The following C4orf51 variants were observed in gnomAD, a reference collection of about 807,000 sequenced individuals.
C4orf51 encodes the protein uncharacterized protein C4orf51.
Under a neutral mutation model 25.2 loss-of-function variants are expected in C4orf51, and 25 were observed. The ratio of observed to expected loss-of-function variants is 0.99; its 90% CI spans 0.72 to 1.39. The LOEUF (loss-of-function observed/expected upper bound fraction) is 1.39, where lower values mean the gene tolerates loss of function less well. Among genes scored for constraint, C4orf51 ranks in the 40% most tolerant of loss-of-function variants. The pLI, the probability that C4orf51 is intolerant of heterozygous loss-of-function variation, is 0.00. For missense variants in C4orf51, 252 were observed against 239.6 expected (o/e 1.05, Z -0.34); for synonymous variants, 100 against 84.5 (o/e 1.18, Z -1.01).
downstream of C4orf51, among the ~76,000 whole-genome samples, chr4:145,757,276 T>TC: frequency 6.6e-6 from 1 of 152,294 alleles, no homozygotes; most frequent in Admixed American, 6.5e-5. Context: ...TCATCTGTTT[T>TC]CCCCCCTTTG....
intron 1 of C4orf51, among the ~76,000 whole-genome samples, chr4:145,768,829 AGC>A (rs1197507169): frequency 8.4e-6 from 1 of 118,362 alleles, no homozygotes; most frequent in African/African-American, 3.2e-5. Flanking sequence ...ATTGTACTCC[AGC>A]CTGGGTGACA....
chr4:145,694,068 G>A (rs1441917682), intron 1 of C4orf51, among the ~76,000 whole-genome samples: 48 of 134,396 alleles, frequency 3.6e-4, no homozygotes, highest in East Asian at 1.0e-3. Flanking sequence ...CCCAGACGGG[G>A]TCTCGGCCGG....
chr4:145,751,761 A>G (rs1733690228), intron 1 of C4orf51, among the ~76,000 whole-genome samples: 1 of 152,202 alleles, frequency 6.6e-6, no homozygotes, highest in South Asian at 2.1e-4. Context: ...AGGCCCAGAG[A>G]TGCTCTTCAG....
intron 1 of C4orf51, among the ~76,000 whole-genome samples, chr4:145,749,048 C>T (rs1733529758): frequency 8.6e-6 from 1 of 116,918 alleles, no homozygotes. Flanking sequence ...CCTGGATGCT[C>T]CAATGTGTGT....
chr4:145,783,075 T>C, the C4orf51 span, among the ~76,000 whole-genome samples: 3 of 79,712 alleles, frequency 3.8e-5, no homozygotes, highest in Non-Finnish European at 8.2e-5. Context: ...CTATAAGCCA[T>C]ATATATATAT....
the C4orf51 span, among the ~76,000 whole-genome samples, chr4:145,781,058 T>C: frequency 6.6e-6 from 1 of 151,046 alleles, no homozygotes; most frequent in East Asian, 1.9e-4. Flanking sequence ...TAGCCGGGCG[T>C]GGTGGCGGGC....
chr4:145,716,887 C>A (rs775347040), intron 2 of C4orf51, among the ~76,000 whole-genome samples: 3 of 152,116 alleles, frequency 2.0e-5, no homozygotes, highest in Admixed American at 2.0e-4. Flanking sequence ...GACAGCTAAC[C>A]GTGTGTGCTA....
At chr4:145,725,600 T>TA (rs57001739) in intron 2 of C4orf51, among the ~76,000 whole-genome samples, 76,932 of 151,310 alleles carry the variant, frequency 0.51, 21,442 homozygotes, top group African/African-American at 0.74. Context: ...ATTCAGCAAT[T>TA]AAAAAAAAGA....
chr4:145,767,549 C>T (rs570603179), intron 1 of C4orf51, among the ~76,000 whole-genome samples: 78 of 152,064 alleles, frequency 5.1e-4, no homozygotes, highest in African/African-American at 1.8e-3. Flanking sequence ...ACGAAGAAAC[C>T]TATACAAAAA....
chr4:145,763,233 T>C lies in C4orf51; in HGVS notation n.167-7755T>C. On this transcript the variant is annotated intron_variant and non_coding_transcript_variant, in intron 1 of 1. Coordinates refer to the C4orf51 transcript ENST00000510096. This position sits in a 1 kb window ranked among gnomAD's most constrained non-coding sequence, Gnocchi z 4.6. ...AAGCAATTTAGACATCAGCAGTCTG[T>C]TTCATTTTAAGGACATTTCTGTGAC... 9.0e-7 allele frequency: 1 copy of C among 1,111,568 alleles called. No homozygotes were observed. Among genetic ancestry groups the C allele is most frequent in the South Asian group, 1.5e-5 (1 of 65,986 alleles). 68.9% of individuals were successfully genotyped at this position (1,111,568 alleles called of 1,614,324 possible).
chr4:145,707,446 A>C (rs1730878876), intron 2 of C4orf51, among the ~76,000 whole-genome samples: 1 of 152,242 alleles, frequency 6.6e-6, no homozygotes. Flanking sequence ...GAGATTGCTC[A>C]GTTAGATTTT....
Position 145,762,989 on chromosome 4 carries a change from G to T in C4orf51, n.167-7999G>T. ...CTCCTCAGCGCCAAGCTCGCCGTTA[G>T]CCTTTGAACCTCAGCTCACAGAAGA... On this transcript the variant is annotated intron_variant and non_coding_transcript_variant, in intron 1 of 1. Transcript: ENST00000510096. This position sits in a 1 kb window ranked among gnomAD's most constrained non-coding sequence, Gnocchi z 4.9. 2.5e-6 allele frequency: 3 copies of T among 1,195,164 alleles called. No homozygotes were observed. The highest frequency in any genetic ancestry group is 3.5e-6 in the Non-Finnish European group (3 of 858,088). The allele number at this position is 1,195,164 out of a possible 1,614,324, so 74.0% of individuals were successfully genotyped here. A position where few individuals can be genotyped will look rare whatever the true frequency, so the allele number is the denominator to read the frequency against.
intron 3 of C4orf51, among the ~76,000 whole-genome samples, chr4:145,727,922 T>TATATATATAA (rs1234382844): frequency 4.1e-5 from 4 of 96,944 alleles, no homozygotes; most frequent in African/African-American, 2.0e-4. Context: ...TATATATATA[T>TATATATATAA]AAAATATATT....
downstream of C4orf51, among the ~76,000 whole-genome samples, chr4:145,755,205 C>T (rs1322177786): frequency 1.3e-5 from 2 of 152,162 alleles, no homozygotes; most frequent in African/African-American, 4.8e-5. Context: ...TCATTTAGTT[C>T]AGCGCCTCTT....
At chr4:145,777,620 T>C in the C4orf51 span, among the ~76,000 whole-genome samples, 1 of 152,208 alleles carries the variant, frequency 6.6e-6, no homozygotes, top group African/African-American at 2.4e-5. Flanking sequence ...ACATTGATGA[T>C]TAGGTTTCCT....
At chr4:145,721,535 G>C (rs961069050) in intron 2 of C4orf51, among the ~76,000 whole-genome samples, 1 of 152,118 alleles carries the variant, frequency 6.6e-6, no homozygotes, top group African/African-American at 2.4e-5. Flanking sequence ...TAGGTGGTGG[G>C]AATTTTGTTT....
intron 1 of C4orf51, among the ~76,000 whole-genome samples, chr4:145,769,918 C>T (rs992788431): frequency 1.3e-5 from 2 of 152,212 alleles, no homozygotes; most frequent in Middle Eastern, 3.2e-3. Flanking sequence ...TCAATACAGA[C>T]ACTGTTACAT....
intron 4 of C4orf51, among the ~76,000 whole-genome samples, chr4:145,729,503 G>T (rs6848911): frequency 2.3e-4 from 35 of 151,724 alleles, no homozygotes; most frequent in Non-Finnish European, 3.5e-4. Flanking sequence ...GGGTTTCACC[G>T]TGTTAGCCAG....
chr4:145,760,794 T>G (rs1182418467), intron 1 of C4orf51: 1 of 1,175,242 alleles, frequency 8.5e-7, no homozygotes, highest in African/African-American at 1.6e-5. Flanking sequence ...CAGTCTCTGC[T>G]CTTTCTCTCA....
Sources: gnomAD v4.1 joint callset for allele counts (sites outside exome capture counted in the v4.1 genomes callset) on GRCh38, gnomAD v4.1.1 for gene constraint, Gnocchi (gnomAD v3.1) non-coding constraint, MANE v1.5 for transcripts, NCBI Gene and HGNC (gene_info 2026-07-23, HGNC 2026-07-21) for gene names.